GSN: variants seen among roughly 807,000 people sequenced by gnomAD.
GSN encodes the protein actin-depolymerizing factor.
Under a neutral mutation model 85.7 loss-of-function variants are expected in GSN, and 56 were observed. The observed-to-expected ratio is 0.65, with a 90% CI of 0.53 to 0.82. The LOEUF (loss-of-function observed/expected upper bound fraction) is 0.82, where lower values mean the gene tolerates loss of function less well. Ranked by LOEUF, GSN falls within the 40% of genes least tolerant of loss-of-function variation. The pLI is 0.00. For missense variants in GSN, 857 were observed against 979.8 expected, an observed-to-expected ratio of 0.87 and a Z score of 1.67; for synonymous variants, 373 against 399.1, an observed-to-expected ratio of 0.93 and a Z score of 0.78.
intron 1 of GSN, among the ~76,000 whole-genome samples, chr9:121,275,688 A>G (rs1305237354): frequency 1.3e-5 from 2 of 152,154 alleles, no homozygotes; most frequent in Non-Finnish European, 2.9e-5. Flanking sequence ...AATTCTTTCT[A>G]TGCTCTTTTA....
At position 121,318,088 on chromosome 9, in the gene GSN, C is replaced by A. The variant is rs76903459; in HGVS notation, c.887-318C>A. Among the ~76,000 whole-genome samples, 2 of 152,328 alleles carry A rather than the reference C, an allele frequency of 1.3e-5. No homozygotes were observed. The highest frequency in any genetic ancestry group is 3.9e-4 in the East Asian group (2 of 5,184). ...AGACCCTAGCTTCCTTATAGATACT[C>A]AGAAAAAGATAACAACTTTTTTTAT... On this transcript the variant is annotated intron_variant, in intron 8 of 17. Coordinates refer to ENST00000432226, the MANE Select transcript of GSN (RefSeq NM_198252.3). This position sits in a 1 kb window ranked among gnomAD's most constrained non-coding sequence, Gnocchi z 4.3.
chr9:121,329,271 G>A lies in GSN; in HGVS notation c.1921G>A (p.Asp641Asn). 6.2e-7 allele frequency: 1 copy of A among 1,612,710 alleles called. No homozygotes were observed. Among genetic ancestry groups the A allele is most frequent in the Non-Finnish European group, 8.5e-7 (1 of 1,178,732 alleles). Reference protein sequence around the residue: ...EEVPGELMQEDLATDDVMLLD... With the variant: ...EEVPGELMQENLATDDVMLLD... Reference sequence around the variant, plus strand: ...GGTTCCTGGTGAGCTCATGCAGGAAGACCTGGCAACGGATGACGTCATGCT... The same window carrying A: ...GGTTCCTGGTGAGCTCATGCAGGAAAACCTGGCAACGGATGACGTCATGCT... Residue 641 changes from aspartate to asparagine, a missense_variant, in exon 16 of 18, where the codon GAC becomes AAC. Asp to Asn is a conservative substitution (Grantham distance 23). Transcript: ENST00000432226. This position sits in a 1 kb window ranked among gnomAD's most constrained non-coding sequence, Gnocchi z 4.6.
At chr9:121,254,501 A>C (rs2132254474) in intron 6 of GSN, among the ~76,000 whole-genome samples, 1 of 152,324 alleles carries the variant, frequency 6.6e-6, no homozygotes, top group East Asian at 1.9e-4. Context: ...AATTATTTAA[A>C]AGCAGAGCCT....
Position 121,299,811 on chromosome 9 carries a change from G to C in GSN, c.-9-2152G>C, listed in dbSNP as rs1426836121. On this transcript the variant is annotated intron_variant, in intron 2 of 17. Transcript: ENST00000432226. The surrounding 1 kb of genome is among the most constrained non-coding windows in gnomAD (Gnocchi z 4.2). The stretch of plus-strand genomic sequence containing the variant: ...GATGGGCGGGCGGCTACTTAAGGTC[G>C]GCGACCCGAGGCCGCGGCTGCCGAC... 8 of 1,292,624 alleles carry C rather than the reference G, an allele frequency of 6.2e-6. No homozygotes were observed. Among genetic ancestry groups the C allele is most frequent in the African/African-American group, 1.6e-5 (1 of 63,920 alleles). 80.1% of individuals were successfully genotyped at this position (1,292,624 alleles called of 1,614,324 possible). A position where few individuals can be genotyped will look rare whatever the true frequency, so the allele number is the denominator to read the frequency against.
chr9:121,263,292 C>A (rs551859527), upstream of GSN, among the ~76,000 whole-genome samples: 1 of 152,086 alleles, frequency 6.6e-6, no homozygotes, highest in Non-Finnish European at 1.5e-5. Flanking sequence ...TACAGTATTT[C>A]TACCATATAG....
At chr9:121,289,281 A>T (rs781175599) in intron 2 of GSN, among the ~76,000 whole-genome samples, 1 of 151,996 alleles carries the variant, frequency 6.6e-6, no homozygotes, top group Non-Finnish European at 1.5e-5. Context: ...CCATCAGCTC[A>T]GACAAGGGTC....
At chr9:121,238,506 T>A (rs2054541164) in intron 5 of GSN, among the ~76,000 whole-genome samples, 1 of 152,226 alleles carries the variant, frequency 6.6e-6, no homozygotes. Context: ...TCCTTACTTT[T>A]GAGGTTTTGG....
chr9:121,242,836 G>C (rs1461789061), intron 5 of GSN, among the ~76,000 whole-genome samples: 1 of 152,086 alleles, frequency 6.6e-6, no homozygotes, highest in Non-Finnish European at 1.5e-5. Flanking sequence ...GGGATGTAAG[G>C]CATGTCATCT....
chr9:121,304,197 A>C (rs1163768721), intron 4 of GSN, among the ~76,000 whole-genome samples: 1 of 152,158 alleles, frequency 6.6e-6, no homozygotes, highest in African/African-American at 2.4e-5. Context: ...AAGAGATTGA[A>C]TGATGGGAAA....
At chr9:121,206,861 CA>C (rs995822289), upstream of GSN, among the ~76,000 whole-genome samples, 3 of 152,198 alleles carry the variant, frequency 2.0e-5, no homozygotes, top group Non-Finnish European at 2.9e-5. Context: ...GCCACCCTCC[CA>C]CCTCAGCCTG....
At chr9:121,280,826 C>T (rs533637713) in intron 1 of GSN, 13 of 152,266 alleles carry the variant, frequency 8.5e-5, no homozygotes, top group South Asian at 2.1e-4. Context: ...AGAGTACTAA[C>T]GTACAGCTCT....
At chr9:121,304,630 A>C (rs145812603) in intron 4 of GSN, among the ~76,000 whole-genome samples, 1 of 152,222 alleles carries the variant, frequency 6.6e-6, no homozygotes, top group Admixed American at 6.5e-5. Context: ...CTGAGCCTCA[A>C]TAACAGCAGC....
At chr9:121,257,468 C>T (rs1023633992) in intron 6 of GSN, among the ~76,000 whole-genome samples, 13 of 152,194 alleles carry the variant, frequency 8.5e-5, no homozygotes, top group Non-Finnish European at 1.6e-4. Flanking sequence ...AGGTATGTGA[C>T]CCCTGAAACC....
intron 4 of GSN, among the ~76,000 whole-genome samples, chr9:121,307,263 T>C (rs936446740): frequency 6.6e-6 from 1 of 152,206 alleles, no homozygotes; most frequent in Admixed American, 6.5e-5. Flanking sequence ...CCTTTTCCTT[T>C]TTAAAAAATA....
chr9:121,218,249 T>C (rs1423327235), intron 4 of GSN, among the ~76,000 whole-genome samples: 2 of 152,222 alleles, frequency 1.3e-5, no homozygotes, highest in African/African-American at 2.4e-5. Flanking sequence ...AGAGTTTATT[T>C]GAGAATAACA....
At position 121,332,799 on chromosome 9, in the gene GSN, C is replaced by CT; in HGVS notation, c.*196_*197insT. 1 of 587,868 alleles carries CT rather than the reference C, an allele frequency of 1.7e-6. No individual in the cohort carries two copies. Among genetic ancestry groups the CT allele is most frequent in the Non-Finnish European group, 3.0e-6 (1 of 331,526 alleles). 36.4% of individuals were successfully genotyped at this position (587,868 alleles called of 1,614,324 possible). On this transcript the variant is annotated 3_prime_UTR_variant, in exon 18 of 18. Transcript: ENST00000432226. The surrounding 1 kb of genome is among the most constrained non-coding windows in gnomAD (Gnocchi z 4.8). ...GTCCTTGCAAAATTGTCTAAAATGT[C>CT]AGTGTTTGGGAAATTAAATCCAATA... is the stretch of plus-strand genomic sequence containing the variant.
intron 2 of GSN, chr9:121,286,189 A>G: frequency 5.3e-6 from 8 of 1,523,624 alleles, no homozygotes; most frequent in Non-Finnish European, 7.0e-6. Context: ...CCCATGGGTG[A>G]GTAGCACGGG....
At position 121,329,131 on chromosome 9, in the gene GSN, C is replaced by A; in HGVS notation, c.1888-107C>A. ...TGATGGTGTGGCACAGAGGAAGGGG[C>A]CCCCTGCCAGCTGCAGCCAGCTGTG... On this transcript the variant is annotated intron_variant, in intron 15 of 17. Coordinates refer to ENST00000432226, the MANE Select transcript of GSN (RefSeq NM_198252.3). The surrounding 1 kb of genome is among the most constrained non-coding windows in gnomAD (Gnocchi z 4.6). 1 of 1,511,586 alleles carries A rather than the reference C, an allele frequency of 6.6e-7. No individual in the cohort carries two copies. Among genetic ancestry groups the A allele is most frequent in the Admixed American group, 1.7e-5 (1 of 57,848 alleles). 93.6% of individuals were successfully genotyped at this position (1,511,586 alleles called of 1,614,324 possible).
chr9:121,300,240 C>G (rs896103191), intron 2 of GSN: 7 of 742,400 alleles, frequency 9.4e-6, no homozygotes, highest in East Asian at 2.6e-5. Context: ...ATTTCTTTTC[C>G]CCTGTCCTCC....
Sources: gnomAD v4.1 joint callset for allele counts (sites outside exome capture counted in the v4.1 genomes callset) on GRCh38, gnomAD v4.1.1 for gene constraint, Gnocchi (gnomAD v3.1) non-coding constraint, MANE v1.5 for transcripts, NCBI Gene and HGNC (gene_info 2026-07-23, HGNC 2026-07-21) for gene names.